The following PHC1 variants were observed in gnomAD, a reference collection of about 807,000 sequenced individuals.
PHC1 encodes polyhomeotic-like protein 1.
Under a neutral mutation model 104.3 loss-of-function variants are expected in PHC1, and 12 were observed. The observed-to-expected ratio is 0.12, with a 90% CI of 0.07 to 0.19. The LOEUF (loss-of-function observed/expected upper bound fraction) is 0.19, where lower values mean the gene tolerates loss of function less well. Ranked by LOEUF, PHC1 falls within the 10% of genes least tolerant of loss-of-function variation. The pLI is 1.00. For missense variants in PHC1, 671 were observed against 1,200.0 expected (o/e 0.56, Z 6.51); for synonymous variants, 302 against 455.8 (o/e 0.66, Z 4.30).
At chr12:8,933,410 G>A (rs1945747821) in intron 8 of PHC1, 60 bp downstream of exon 8, 3 of 1,464,580 alleles carry the variant, frequency 2.0e-6, no homozygotes, top group Admixed American at 5.1e-5. Flanking sequence ...CCTGGGCTAA[G>A]TGGAAATAGA....
intron 6 of PHC1, among the ~76,000 whole-genome samples, chr12:8,925,675 G>C (rs1333436813): frequency 1.3e-5 from 2 of 152,150 alleles, no homozygotes; most frequent in Non-Finnish European, 2.9e-5. Flanking sequence ...GGCATAGTGG[G>C]GCTAGACGGG....
intron 1 of PHC1, chr12:8,916,102 CA>C (rs1227294727): frequency 5.8e-5 from 9 of 154,152 alleles, no homozygotes; most frequent in Non-Finnish European, 1.2e-4. Context: ...GATATTTTGG[CA>C]AAAGATGTGG....
At chr12:8,930,292 C>T in intron 6 of PHC1, 143 bp from the exon 7 acceptor site, 1 of 1,262,618 alleles carries the variant, frequency 7.9e-7, no homozygotes. Context: ...GGTAGGAAGG[C>T]CTTAAAGTAT....
chr12:8,933,386 T>C (rs1285069420), intron 8 of PHC1, 36 bp downstream of exon 8: 4 of 1,508,416 alleles, frequency 2.7e-6, no homozygotes, highest in Non-Finnish European at 3.6e-6. Flanking sequence ...GGCACTATTA[T>C]GCATGAGAGT....
chr12:8,920,167 C>CT (rs1945321040), intron 3 of PHC1, among the ~76,000 whole-genome samples: 2 of 151,904 alleles, frequency 1.3e-5, no homozygotes, highest in South Asian at 4.2e-4. Context: ...TGGAGACGTC[C>CT]TATAAGATTT....
intron 6 of PHC1, among the ~76,000 whole-genome samples, chr12:8,923,697 G>A (rs925924891): frequency 6.6e-6 from 1 of 152,112 alleles, no homozygotes; most frequent in South Asian, 2.1e-4. Flanking sequence ...AGGCGTGGTG[G>A]TGGGTGCTTG....
intron 1 of PHC1, chr12:8,915,871 T>C (rs1045754902): frequency 2.6e-5 from 4 of 154,380 alleles, no homozygotes; most frequent in African/African-American, 9.6e-5. Context: ...TTAATCAGAA[T>C]TCAGGTTTGG....
At chr12:8,925,872 A>G (rs1367315677) in intron 6 of PHC1, among the ~76,000 whole-genome samples, 2 of 152,202 alleles carry the variant, frequency 1.3e-5, no homozygotes, top group East Asian at 3.8e-4. Flanking sequence ...CTAAACGGAT[A>G]TGGTGTGAGT....
intron 6 of PHC1, among the ~76,000 whole-genome samples, chr12:8,927,260 G>GT (rs1945541990): frequency 6.6e-6 from 1 of 152,154 alleles, no homozygotes; most frequent in Admixed American, 6.5e-5. Context: ...AGTAGTATGA[G>GT]TTTGAGGGGT....
chr12:8,936,613 TAGTA>T (rs1299249815), intron 11 of PHC1, among the ~76,000 whole-genome samples: 1 of 152,168 alleles, frequency 6.6e-6, no homozygotes, highest in African/African-American at 2.4e-5. Flanking sequence ...AGGATAAAAT[TAGTA>T]AGACATCTAA....
chr12:8,921,796 TG>T (rs1565513714), intron 5 of PHC1, 46 bp downstream of exon 5: 2 of 1,517,542 alleles, frequency 1.3e-6, no homozygotes, highest in Non-Finnish European at 1.8e-6. Flanking sequence ...CATAATTGTC[TG>T]GCCCTGGCAA....
intron 6 of PHC1, among the ~76,000 whole-genome samples, chr12:8,924,577 A>G (rs141324355): frequency 1.3e-5 from 2 of 152,360 alleles, no homozygotes; most frequent in Non-Finnish European, 2.9e-5. Flanking sequence ...TTATTGGGAT[A>G]CTTGAGCAGA....
chr12:8,932,152 CTG>C (rs928632623), intron 7 of PHC1, among the ~76,000 whole-genome samples: 2 of 152,172 alleles, frequency 1.3e-5, no homozygotes, highest in African/African-American at 4.8e-5. Flanking sequence ...AGGCCCTGGG[CTG>C]TGTTTTAGGG....
At chr12:8,915,293 A>G (rs1945169384) in intron 1 of PHC1, 1 of 152,236 alleles carries the variant, frequency 6.6e-6, no homozygotes, top group Admixed American at 6.6e-5. Context: ...TCTTTGAAAC[A>G]TCATTTTCAT....
chr12:8,920,278 A>G (rs1945324281), intron 3 of PHC1, among the ~76,000 whole-genome samples: 1 of 152,248 alleles, frequency 6.6e-6, no homozygotes, highest in South Asian at 2.1e-4. Context: ...AATAAAATAA[A>G]TTATGAAAGT....
At chr12:8,930,975 A>T (rs1427669107) in intron 7 of PHC1, 48 bp downstream of exon 7, 1 of 1,540,444 alleles carries the variant, frequency 6.5e-7, no homozygotes, top group Non-Finnish European at 8.7e-7. Context: ...TTCATGTGAA[A>T]TTTTCCTTTT....
At chr12:8,937,135 C>T in intron 12 of PHC1, 41 bp from the exon 13 acceptor site, 1 of 1,586,110 alleles carries the variant, frequency 6.3e-7, no homozygotes, top group Non-Finnish European at 8.6e-7. Context: ...GGGTGGTCTT[C>T]TGTGGCACTA....
chr12:8,916,341 C>G (rs1023173404), intron 1 of PHC1, among the ~76,000 whole-genome samples: 2 of 152,148 alleles, frequency 1.3e-5, no homozygotes, highest in African/African-American at 4.8e-5. Context: ...GATGCAATCC[C>G]TAAGACCAGT....
In PHC1 at chr12:8,930,467, C is replaced by T. The variant is rs1297011018; in HGVS notation, c.645C>T (p.Ala215=). ...ACTTGGCAGTAAGGAATCAACAGGC[C>T]TCAGCTCAAGGACCTCAGATGCAAG... is the stretch of plus-strand genomic sequence containing the variant. ...VQNLAVRNQQ[A]SAQGPQMQGS... is the part of the protein sequence containing the mutation. Residue 215 remains alanine (A), a synonymous_variant, in exon 7 of 15, where the codon GCC becomes GCT. Transcript: ENST00000544916. 2.5e-6 allele frequency: 4 copies of T among 1,601,280 alleles called. No individual in the cohort carries two copies. The highest frequency in any genetic ancestry group is 3.5e-5 in the Admixed American group (2 of 57,940).
Sources: allele counts gnomAD v4.1 joint callset (sites outside exome capture counted in the v4.1 genomes callset), GRCh38; gene constraint gnomAD v4.1.1; transcripts MANE v1.5; gene names NCBI Gene and HGNC (gene_info 2026-07-23, HGNC 2026-07-21).